The following RBFOX1 variants were observed in gnomAD, a reference collection of about 807,000 sequenced individuals.
The protein encoded by RBFOX1 is RNA binding fox-1 homolog 1.
In RBFOX1, 8 loss-of-function variants were observed where a neutral mutation model predicts 57.7. The observed-to-expected ratio is 0.14, with a 90% CI of 0.08 to 0.25. RBFOX1 has a LOEUF of 0.25. RBFOX1 is among the 10% of genes least tolerant of loss of function. RBFOX1 has a pLI of 1.00. For missense variants in RBFOX1, 611 were observed against 548.5 expected (o/e 1.11, Z -1.14); for synonymous variants, 326 against 222.4 (o/e 1.47, Z -4.15).
intron 1 of RBFOX1, among the ~76,000 whole-genome samples, chr16:5,293,907 GA>G: frequency 6.6e-6 from 1 of 152,282 alleles, no homozygotes; most frequent in Admixed American, 6.5e-5. Context: ...TTCACACAGG[GA>G]CTTGTATGTT....
intron 4 of RBFOX1, among the ~76,000 whole-genome samples, chr16:7,407,398 G>C (rs12709200): frequency 5.3e-5 from 8 of 151,144 alleles, no homozygotes; most frequent in Admixed American, 1.3e-4. Context: ...GTGTGTGTGT[G>C]TGTGTGTATG....
At chr16:6,151,447 G>A (rs536109762) in intron 1 of RBFOX1, among the ~76,000 whole-genome samples, 49 of 151,986 alleles carry the variant, frequency 3.2e-4, no homozygotes, top group Non-Finnish European at 4.7e-4. Context: ...CACCACACCC[G>A]GCTAATTTTT....
intron 4 of RBFOX1, among the ~76,000 whole-genome samples, chr16:7,108,772 A>C (rs1190473785): frequency 6.6e-6 from 1 of 152,178 alleles, no homozygotes; most frequent in African/African-American, 2.4e-5. Flanking sequence ...CCTGTGCTCA[A>C]AGATGCATGT....
chr16:7,202,678 C>T (rs933772938), intron 4 of RBFOX1, among the ~76,000 whole-genome samples: 5 of 152,180 alleles, frequency 3.3e-5, no homozygotes, highest in African/African-American at 9.7e-5. Context: ...TAGGTTCTCA[C>T]AGCAGCACAA....
At chr16:5,994,979 C>T (rs1410162424) in intron 4 of RBFOX1, among the ~76,000 whole-genome samples, 2 of 152,214 alleles carry the variant, frequency 1.3e-5, no homozygotes, top group African/African-American at 2.4e-5. Context: ...GCTTCAGGCT[C>T]CTCTCACTAG....
At chr16:5,814,135 C>G (rs2055534950) in intron 3 of RBFOX1, among the ~76,000 whole-genome samples, 1 of 152,280 alleles carries the variant, frequency 6.6e-6, no homozygotes, top group South Asian at 2.1e-4. Context: ...CTTCCCCTCT[C>G]CAAAATCCTG....
chr16:5,815,936 A>G (rs958774514), intron 3 of RBFOX1, among the ~76,000 whole-genome samples: 2 of 152,238 alleles, frequency 1.3e-5, no homozygotes, highest in African/African-American at 2.4e-5. Context: ...TTGCATGGGT[A>G]TTACAATTGG....
intron 4 of RBFOX1, among the ~76,000 whole-genome samples, chr16:7,243,881 A>T (rs973945160): frequency 2.0e-5 from 3 of 152,142 alleles, no homozygotes; most frequent in Admixed American, 6.5e-5. Context: ...ATTATGTTAT[A>T]ATCTGGGATT....
intron 3 of RBFOX1, among the ~76,000 whole-genome samples, chr16:5,687,894 A>T (rs552368032): frequency 1.3e-5 from 2 of 152,292 alleles, no homozygotes; most frequent in South Asian, 4.1e-4. Flanking sequence ...TCATAAACAA[A>T]GCAGACTCTG....
At chr16:7,056,129 A>G (rs1291041097) in intron 4 of RBFOX1, among the ~76,000 whole-genome samples, 3 of 152,178 alleles carry the variant, frequency 2.0e-5, no homozygotes, top group South Asian at 2.1e-4. Flanking sequence ...ATCGTGCATT[A>G]GTAACCAGCT....
chr16:6,582,269 A>G (rs1017212004), intron 2 of RBFOX1, among the ~76,000 whole-genome samples: 1 of 152,204 alleles, frequency 6.6e-6, no homozygotes. Flanking sequence ...ATTAGCTATT[A>G]TTTCTCAGTA....
intron 2 of RBFOX1, among the ~76,000 whole-genome samples, chr16:6,513,713 G>A (rs2096303776): frequency 6.6e-6 from 1 of 152,036 alleles, no homozygotes; most frequent in South Asian, 2.1e-4. Flanking sequence ...CAGCCTGGGG[G>A]ACAAGAGTGA....
At chr16:5,533,727 T>C (rs1180559489) in intron 2 of RBFOX1, among the ~76,000 whole-genome samples, 1 of 152,222 alleles carries the variant, frequency 6.6e-6, no homozygotes, top group Admixed American at 6.5e-5. Flanking sequence ...ATGTGGAGTG[T>C]GTTTCAAGGT....
chr16:7,337,838 C>G (rs1240625719), intron 4 of RBFOX1, among the ~76,000 whole-genome samples: 1 of 152,150 alleles, frequency 6.6e-6, no homozygotes, highest in African/African-American at 2.4e-5. Context: ...GCACGTGCCA[C>G]CACACCCAGC....
At chr16:7,518,443 C>T (rs2076840397) in intron 5 of RBFOX1, 54 bp downstream of exon 5, 6 of 1,551,584 alleles carry the variant, frequency 3.9e-6, no homozygotes, top group African/African-American at 2.7e-5. Context: ...GCCCCCAGCC[C>T]TGGTAATGGC....
chr16:7,297,691 T>C, intron 4 of RBFOX1, among the ~76,000 whole-genome samples: 1 of 152,072 alleles, frequency 6.6e-6, no homozygotes, highest in East Asian at 1.9e-4. Flanking sequence ...ATAACAACAG[T>C]TGTAGTAGTA....
chr16:6,246,000 C>G (rs1219283409), intron 1 of RBFOX1, among the ~76,000 whole-genome samples: 1 of 152,192 alleles, frequency 6.6e-6, no homozygotes, highest in Non-Finnish European at 1.5e-5. Context: ...TGCTCTTTAA[C>G]TTCAATGTCC....
chr16:5,907,519 G>T (rs1385923247), intron 4 of RBFOX1, among the ~76,000 whole-genome samples: 1 of 151,960 alleles, frequency 6.6e-6, no homozygotes, highest in South Asian at 2.1e-4. Flanking sequence ...GGAGAACAGG[G>T]GCTTGTCTTG....
chr16:6,283,132 G>GTC (rs1300932948), intron 1 of RBFOX1, among the ~76,000 whole-genome samples: 1 of 152,156 alleles, frequency 6.6e-6, no homozygotes, highest in African/African-American at 2.4e-5. Context: ...TGGGAGACTA[G>GTC]TCTGGGTAAC....
Sources: gnomAD v4.1 joint callset for allele counts (sites outside exome capture counted in the v4.1 genomes callset) on GRCh38, gnomAD v4.1.1 for gene constraint, MANE v1.5 for transcripts, NCBI Gene and HGNC (gene_info 2026-07-23, HGNC 2026-07-21) for gene names.